SHROOM3: variants seen among roughly 807,000 people sequenced by gnomAD.
SHROOM3 encodes protein Shroom3.
SHROOM3 carries 47 observed loss-of-function variants against 138.6 expected under a neutral mutation model. That is an observed-to-expected ratio of 0.34 (90% CI 0.27 to 0.43). The LOEUF is 0.43. Among genes scored for constraint, SHROOM3 ranks in the 20% least tolerant of loss-of-function variants. The pLI is 1.00. For missense variants in SHROOM3, 2,491 were observed against 2,596.5 expected (o/e 0.96, Z 0.88); for synonymous variants, 1,062 against 1,063.3 (o/e 1.00, Z 0.02).
chr4:76,769,680 A>G (rs1722285055), intron 9 of SHROOM3, among the ~76,000 whole-genome samples: 1 of 152,228 alleles, frequency 6.6e-6, no homozygotes, highest in South Asian at 2.1e-4. Flanking sequence ...TAATGATTGT[A>G]CAAGGGTGGC....
At chr4:76,695,805 TTAAC>T (rs2110110345) in intron 2 of SHROOM3, among the ~76,000 whole-genome samples, 1 of 152,168 alleles carries the variant, frequency 6.6e-6, no homozygotes, top group Admixed American at 6.5e-5. Flanking sequence ...CAGTGTGGAG[TTAAC>T]TAGGCAGCCA....
At chr4:76,610,930 T>C (rs1198314801) in intron 2 of SHROOM3, among the ~76,000 whole-genome samples, 1 of 152,152 alleles carries the variant, frequency 6.6e-6, no homozygotes, top group Admixed American at 6.5e-5. Flanking sequence ...CCAAGTTCAG[T>C]AGCCCTCCCT....
chr4:76,688,100 C>G (rs1719392941), intron 2 of SHROOM3, among the ~76,000 whole-genome samples: 1 of 152,204 alleles, frequency 6.6e-6, no homozygotes, highest in Admixed American at 6.5e-5. Context: ...CCACAGGACA[C>G]GAGGACACAG....
In SHROOM3 at chr4:76,741,258, G is replaced by A; in HGVS notation, c.3085G>A (p.Val1029Met). Residue 1029 changes from valine to methionine, a missense_variant, in exon 5 of 11, where the codon GTG (valine) becomes ATG (methionine). Around this residue, in one of 4 missense-constraint regions of SHROOM3, gnomAD observed 1,733 missense variants for 1,661.6 expected, o/e 1.04. Coordinates refer to ENST00000296043, the MANE Select transcript of SHROOM3 (RefSeq NM_020859.4). The surrounding 1 kb of genome is among the most constrained non-coding windows in gnomAD (Gnocchi z 6.2). ...SYSEPEKMNE[V>M]GIVEEAEPAP... The stretch of plus-strand genomic sequence containing the variant: ...CTCGGAGCCCGAGAAGATGAACGAG[G>A]TGGGGATCGTGGAGGAGGCCGAACC... 1.9e-6 allele frequency: 3 copies of A among 1,612,020 alleles called. No individual in the cohort carries two copies. The highest frequency in any genetic ancestry group is 1.1e-5 in the South Asian group (1 of 91,046).
chr4:76,529,904 T>C (rs1732796153), intron 1 of SHROOM3, among the ~76,000 whole-genome samples: 1 of 152,226 alleles, frequency 6.6e-6, no homozygotes, highest in Non-Finnish European at 1.5e-5. Flanking sequence ...AGTAGTTTTG[T>C]TCTAGGGCTG....
chr4:76,766,254 C>T (rs1046378684), intron 9 of SHROOM3, among the ~76,000 whole-genome samples: 1 of 152,296 alleles, frequency 6.6e-6, no homozygotes, highest in South Asian at 2.1e-4. Flanking sequence ...ATTAATTAGA[C>T]ATTATTATTA....
intron 1 of SHROOM3, among the ~76,000 whole-genome samples, chr4:76,496,723 T>C (rs1436547511): frequency 4.6e-5 from 7 of 152,100 alleles, no homozygotes; most frequent in Admixed American, 4.6e-4. Flanking sequence ...GTAGACAGGG[T>C]CATGCTTTTC....
chr4:76,773,242 C>T lies in SHROOM3; in HGVS notation c.5622+2344C>T, dbSNP rs186083234. ...ATACAAAAATTAACCAGGTGTGTGG[C>T]GGGTGCCTGTAATCCCAGCTACTCA... On this transcript the variant is annotated intron_variant, in intron 10 of 10. Coordinates refer to ENST00000296043, the MANE Select transcript of SHROOM3 (RefSeq NM_020859.4). Among the ~76,000 whole-genome samples the T allele has an allele frequency of 2.8e-3, 425 of 151,834 alleles. 2 individuals are homozygous for T. Among genetic ancestry groups the T allele is most frequent in the African/African-American group, 9.8e-3 (406 of 41,418 alleles).
intron 2 of SHROOM3, among the ~76,000 whole-genome samples, chr4:76,702,746 C>T (rs1354254361): frequency 1.3e-5 from 2 of 152,272 alleles, no homozygotes; most frequent in South Asian, 2.1e-4. Flanking sequence ...CTTGTGAGAG[C>T]CCTTGGTTTT....
chr4:76,568,563 C>T (rs753134311), intron 2 of SHROOM3, among the ~76,000 whole-genome samples: 1 of 152,130 alleles, frequency 6.6e-6, no homozygotes, highest in African/African-American at 2.4e-5. Context: ...GAAATGAGAT[C>T]GACCTAATTT....
intron 2 of SHROOM3, chr4:76,639,679 G>C (rs1735607603): frequency 2.5e-6 from 1 of 398,330 alleles, no homozygotes; most frequent in South Asian, 1.3e-4. Flanking sequence ...TTTCCTATTA[G>C]CCAGTATTCC....
At chr4:76,754,268 C>G in intron 6 of SHROOM3, 43 bp from the exon 7 acceptor site, 1 of 1,613,614 alleles carries the variant, frequency 6.2e-7, no homozygotes, top group Non-Finnish European at 8.5e-7. Flanking sequence ...ATGTTTGCCC[C>G]TTTCTTCAGA....
chr4:76,623,771 C>T (rs2110067661), intron 2 of SHROOM3, among the ~76,000 whole-genome samples: 1 of 152,226 alleles, frequency 6.6e-6, no homozygotes, highest in Admixed American at 6.5e-5. Context: ...ACAAAACACC[C>T]AAGCATTTTT....
chr4:76,520,410 G>C (rs942661106), intron 1 of SHROOM3, among the ~76,000 whole-genome samples: 7 of 151,646 alleles, frequency 4.6e-5, no homozygotes, highest in African/African-American at 1.7e-4. Flanking sequence ...TTATGTGCCA[G>C]GTGTTCTAAG....
intron 1 of SHROOM3, among the ~76,000 whole-genome samples, chr4:76,534,640 G>C (rs79564084): frequency 0.032 from 4,838 of 152,196 alleles, 260 homozygotes; most frequent in African/African-American, 0.11. Context: ...GCAAGCACTT[G>C]CCATTGTCAC....
In SHROOM3 at chr4:76,455,748, G is replaced by A. The variant is rs1291797705; in HGVS notation, c.168+19528G>A. Among the ~76,000 whole-genome samples the A allele has an allele frequency of 2.0e-5, 3 of 152,166 alleles. No individual in the cohort carries two copies. In the East Asian group the frequency reaches 5.8e-4, roughly 29 times the overall value. On this transcript the variant is annotated intron_variant, in intron 1 of 10. Transcript: ENST00000296043. ...AAGACTGAAAAAGATGAGGAAGAGT[G>A]ATAATATTCACTCAATGTAGTAATT...
In SHROOM3 at chr4:76,740,092, G is replaced by A. The variant is rs770968276; in HGVS notation, c.1919G>A (p.Arg640Lys). ...FQEDHNANLWRRLEREGLGQS... is the reference protein window; with the variant it reads ...FQEDHNANLWKRLEREGLGQS... ...GAAGACCACAATGCCAACCTCTGGAGGAGGCTGGAGAGAGAAGGCCTAGGC... is the reference window on the plus strand; with the variant it reads ...GAAGACCACAATGCCAACCTCTGGAAGAGGCTGGAGAGAGAAGGCCTAGGC... The change falls in exon 5 of 11, where the codon AGG becomes AAG. Residue 640 changes from arginine (R) to lysine (K), a missense_variant. By Grantham distance (26) the Arg-to-Lys change is conservative. Coordinates refer to ENST00000296043, the MANE Select transcript of SHROOM3 (RefSeq NM_020859.4). The surrounding 1 kb of genome is among the most constrained non-coding windows in gnomAD (Gnocchi z 4.0). The A allele has an allele frequency of 3.7e-6, 6 of 1,613,678 alleles. No individual in the cohort carries two copies. Among genetic ancestry groups the A allele is most frequent in the Non-Finnish European group, 2.5e-6 (3 of 1,180,036 alleles).
At chr4:76,448,044 C>T (rs1279097683) in intron 1 of SHROOM3, among the ~76,000 whole-genome samples, 1 of 151,906 alleles carries the variant, frequency 6.6e-6, no homozygotes, top group Admixed American at 6.6e-5. Flanking sequence ...GAAAAAAATA[C>T]ATTATTTATA....
intron 2 of SHROOM3, among the ~76,000 whole-genome samples, chr4:76,632,365 A>T (rs1367310211): frequency 1.3e-5 from 2 of 152,260 alleles, no homozygotes; most frequent in East Asian, 3.8e-4. Flanking sequence ...AGATGGACCC[A>T]GCAAAGGCTA....
Sources: gnomAD v4.1 joint callset for allele counts (sites outside exome capture counted in the v4.1 genomes callset) on GRCh38, gnomAD v4.1.1 for gene constraint, gnomAD v4.1.1 regional missense constraint, Gnocchi (gnomAD v3.1) non-coding constraint, MANE v1.5 for transcripts, NCBI Gene and HGNC (gene_info 2026-07-23, HGNC 2026-07-21) for gene names.